The following DPP10 variants were observed in gnomAD, a reference collection of about 807,000 sequenced individuals.
DPP10 encodes inactive dipeptidyl peptidase 10.
In DPP10, 33 loss-of-function variants were observed where a neutral mutation model predicts 120.9. That is an observed-to-expected ratio of 0.27 (90% CI 0.21 to 0.37). DPP10 has a LOEUF of 0.37. Ranked by LOEUF, DPP10 falls within the 10% of genes least tolerant of loss-of-function variation. The pLI is 1.00. For missense variants in DPP10, 816 were observed against 942.8 expected (o/e 0.87, Z 1.76); for synonymous variants, 337 against 326.1 (o/e 1.03, Z -0.36).
chr2:115,036,654 A>T (rs1025391145), intron 1 of DPP10, among the ~76,000 whole-genome samples: 1 of 152,160 alleles, frequency 6.6e-6, no homozygotes, highest in Admixed American at 6.5e-5. Flanking sequence ...CTCGCCAGTT[A>T]AAGCTGCATG....
intron 3 of DPP10, among the ~76,000 whole-genome samples, chr2:115,391,542 C>A (rs1324416435): frequency 6.6e-6 from 1 of 152,054 alleles, no homozygotes; most frequent in African/African-American, 2.4e-5. Context: ...CTGAATAACT[C>A]TATAATCGTC....
chr2:114,704,608 C>A (rs1361752412), intron 1 of DPP10, among the ~76,000 whole-genome samples: 1 of 152,130 alleles, frequency 6.6e-6, no homozygotes, highest in East Asian at 1.9e-4. Flanking sequence ...CCATTGGTAT[C>A]CCTCAATAAT....
chr2:115,657,436 T>A (rs1254999032), intron 5 of DPP10, among the ~76,000 whole-genome samples: 1 of 151,744 alleles, frequency 6.6e-6, no homozygotes, highest in Admixed American at 6.6e-5. Context: ...GAAAATATGG[T>A]TGTTTTCTCT....
chr2:115,613,740 A>G (rs1193530850), intron 5 of DPP10, among the ~76,000 whole-genome samples: 1 of 152,250 alleles, frequency 6.6e-6, no homozygotes, highest in Admixed American at 6.5e-5. Flanking sequence ...TGTTCCAGCA[A>G]AACGCAGACT....
At chr2:115,583,422 TG>T in intron 5 of DPP10, among the ~76,000 whole-genome samples, 1 of 152,298 alleles carries the variant, frequency 6.6e-6, no homozygotes, top group East Asian at 1.9e-4. Context: ...CGTGCTGGTC[TG>T]GAAAGCCCAA....
chr2:114,892,294 A>G (rs1364022166), intron 1 of DPP10, among the ~76,000 whole-genome samples: 1 of 152,116 alleles, frequency 6.6e-6, no homozygotes, highest in African/African-American at 2.4e-5. Context: ...TTTTGTATTA[A>G]CCATCTGCCT....
intron 1 of DPP10, among the ~76,000 whole-genome samples, chr2:114,676,128 C>A (rs904764247): frequency 6.6e-6 from 1 of 152,114 alleles, no homozygotes; most frequent in African/African-American, 2.4e-5. Flanking sequence ...TTAACTGTAT[C>A]TGAAGATTTA....
chr2:115,183,042 C>T (rs951768496), intron 1 of DPP10, among the ~76,000 whole-genome samples: 8 of 152,012 alleles, frequency 5.3e-5, no homozygotes, highest in Admixed American at 2.0e-4. Context: ...TACGTGCATG[C>T]GCACACATGC....
At chr2:115,799,470 C>T (rs1410937980) in intron 19 of DPP10, among the ~76,000 whole-genome samples, 1 of 151,808 alleles carries the variant, frequency 6.6e-6, no homozygotes, top group African/African-American at 2.4e-5. Context: ...TTTTAGGGTG[C>T]ATGTGCACAA....
intron 7 of DPP10, among the ~76,000 whole-genome samples, chr2:115,725,826 G>A (rs563590963): frequency 6.6e-6 from 1 of 152,268 alleles, no homozygotes; most frequent in South Asian, 2.1e-4. Flanking sequence ...AAAACGTTGT[G>A]CACCTGTGTT....
chr2:115,832,057 G>A (rs945457680), intron 21 of DPP10, among the ~76,000 whole-genome samples: 6 of 152,116 alleles, frequency 3.9e-5, no homozygotes, highest in African/African-American at 9.7e-5. Context: ...AGTTGAAAGC[G>A]TTCTTATATC....
chr2:114,532,168 C>G (rs544102502), intron 1 of DPP10, among the ~76,000 whole-genome samples: 3 of 150,334 alleles, frequency 2.0e-5, no homozygotes, highest in East Asian at 2.0e-4. Flanking sequence ...ACACCACCAG[C>G]TTTCCTAGTT....
intron 19 of DPP10, 47 bp downstream of exon 19, chr2:115,791,403 T>A: frequency 6.7e-7 from 1 of 1,499,080 alleles, no homozygotes; most frequent in South Asian, 1.3e-5. Flanking sequence ...AAAGATTTTA[T>A]ATTTTTGTGT....
chr2:115,244,834 C>CAT (rs535050279), intron 1 of DPP10, among the ~76,000 whole-genome samples: 12,427 of 143,320 alleles, frequency 0.087, 699 homozygotes, highest in Non-Finnish European at 0.12. Flanking sequence ...TATGTATGCA[C>CAT]ATATATATAT....
chr2:114,722,801 G>T (rs1018766572), intron 1 of DPP10, among the ~76,000 whole-genome samples: 2 of 115,740 alleles, frequency 1.7e-5, no homozygotes, highest in Non-Finnish European at 3.6e-5. Context: ...AAAAAAAAAA[G>T]CAACTAGCCA....
intron 1 of DPP10, among the ~76,000 whole-genome samples, chr2:115,130,745 T>G (rs2050312993): frequency 6.6e-6 from 1 of 152,166 alleles, no homozygotes; most frequent in African/African-American, 2.4e-5. Context: ...TCCCCACCTC[T>G]TCCATTCTAT....
intron 1 of DPP10, among the ~76,000 whole-genome samples, chr2:114,901,403 A>T (rs865906577): frequency 6.6e-6 from 1 of 152,056 alleles, no homozygotes; most frequent in Admixed American, 6.6e-5. Flanking sequence ...TCACCTTGTT[A>T]GCCAGGATGG....
intron 1 of DPP10, among the ~76,000 whole-genome samples, chr2:114,808,650 G>A (rs937653822): frequency 3.3e-5 from 5 of 150,578 alleles, no homozygotes; most frequent in South Asian, 2.1e-4. Flanking sequence ...CCTGGTCTCT[G>A]CACTTCTCTG....
At chr2:114,918,391 A>C (rs772949349) in intron 1 of DPP10, among the ~76,000 whole-genome samples, 3 of 152,304 alleles carry the variant, frequency 2.0e-5, no homozygotes, top group Admixed American at 6.5e-5. Context: ...CAGTTTGGAT[A>C]TTCTCATAGA....
Sources: allele counts gnomAD v4.1 joint callset (sites outside exome capture counted in the v4.1 genomes callset), GRCh38; gene constraint gnomAD v4.1.1; transcripts MANE v1.5; gene names NCBI Gene and HGNC (gene_info 2026-07-23, HGNC 2026-07-21).